The following UGT1A6 variants were observed in gnomAD, a reference collection of about 807,000 sequenced individuals.
UGT1A6 encodes UDP-glucuronosyltransferase 1A6.
Under a neutral mutation model 44.4 loss-of-function variants are expected in UGT1A6, and 32 were observed. That is an observed-to-expected ratio of 0.72 (90% confidence interval 0.54 to 0.97). The LOEUF is 0.97. UGT1A6 is among the 50% of genes least tolerant of loss of function. The pLI is 0.00. For synonymous variants in UGT1A6, 238 were observed against 248.5 expected, an observed-to-expected ratio of 0.96 and a Z score of 0.40; for missense variants, 685 against 661.9, an observed-to-expected ratio of 1.03 and a Z score of -0.38.
chr2:233,723,516 CTTTTTTTTT>C (rs1162916866), intron 1 of UGT1A6, among the ~76,000 whole-genome samples: 2 of 85,406 alleles, frequency 2.3e-5, no homozygotes, highest in East Asian at 3.2e-4. Context: ...GGTCAACAAT[CTTTTTTTTT>C]TTTTTTTTTT....
chr2:233,710,145 T>C (rs1309265551), intron 1 of UGT1A6, among the ~76,000 whole-genome samples: 3 of 152,254 alleles, frequency 2.0e-5, no homozygotes, highest in Non-Finnish European at 4.4e-5. Context: ...TGTATAGATA[T>C]ATCATCATTT....
chr2:233,734,726 T>C (rs1273359481), intron 1 of UGT1A6, among the ~76,000 whole-genome samples: 1 of 150,790 alleles, frequency 6.6e-6, no homozygotes, highest in African/African-American at 2.4e-5. Flanking sequence ...TTTGTTCTCG[T>C]CGGTTTCAAA....
At chr2:233,767,542 T>C (rs1158948915) in intron 2 of UGT1A6, among the ~76,000 whole-genome samples, 1 of 152,274 alleles carries the variant, frequency 6.6e-6, no homozygotes, top group African/African-American at 2.4e-5. Context: ...TTTCTGCTCT[T>C]ATAGTTCTGC....
chr2:233,693,072 T>C lies in UGT1A6; in HGVS notation c.68T>C (p.Met23Thr). Residue 23 changes from methionine (M) to threonine (T), a missense_variant, in exon 1 of 5, where the codon ATG becomes ACG. Met to Thr is a moderately conservative substitution (Grantham distance 81). Coordinates refer to ENST00000305139, the MANE Select transcript of UGT1A6 (RefSeq NM_001072.4). Reference protein sequence around the residue: ...AGVFFLALWGMVVGDKLLVVP... With the variant: ...AGVFFLALWGTVVGDKLLVVP... The stretch of plus-strand genomic sequence containing the variant: ...GTTTTCTTCTTAGCACTTTGGGGCA[T>C]GGTTGTAGGTGACAAGCTGCTGGTG... The C allele has an allele frequency of 1.9e-6, 3 of 1,614,192 alleles. No homozygotes were observed. Among genetic ancestry groups the C allele is most frequent in the Non-Finnish European group, 2.5e-6 (3 of 1,180,034 alleles).
At chr2:233,757,444 G>A (rs1344287126) in intron 1 of UGT1A6, among the ~76,000 whole-genome samples, 1 of 150,698 alleles carries the variant, frequency 6.6e-6, no homozygotes, top group Non-Finnish European at 1.5e-5. Context: ...CTTCTATACA[G>A]AAACATGTCC....
At chr2:233,738,159 T>C (rs1033238809) in intron 1 of UGT1A6, among the ~76,000 whole-genome samples, 2 of 152,228 alleles carry the variant, frequency 1.3e-5, no homozygotes, top group African/African-American at 4.8e-5. Context: ...GCTATTCCTC[T>C]TTCTCTCTTT....
chr2:233,738,569 A>G (rs1031993936), intron 1 of UGT1A6, among the ~76,000 whole-genome samples: 1 of 152,222 alleles, frequency 6.6e-6, no homozygotes, highest in African/African-American at 2.4e-5. Context: ...GAATCTGTTG[A>G]GAACTGGAGC....
At chr2:233,755,084 G>C in intron 1 of UGT1A6, 2 of 1,335,302 alleles carry the variant, frequency 1.5e-6, no homozygotes, top group Non-Finnish European at 2.0e-6. Flanking sequence ...CATAGATATC[G>C]CGTTTCTACG....
intron 1 of UGT1A6, among the ~76,000 whole-genome samples, chr2:233,736,611 AT>A (rs2078784415): frequency 6.6e-6 from 1 of 151,912 alleles, no homozygotes; most frequent in East Asian, 1.9e-4. Context: ...GGTTTTTAGA[AT>A]TTTCAGCTTT....
rs1700557199 is a variant in UGT1A6 at position 233,772,921 on chromosome 2, GT to G, written c.*366del. ...ACGGCTGCCCCTACTGCAAATGGCA[GT>G]TTTAATCTTATCTTTTGGCTTCTGC... On this transcript the variant is annotated 3_prime_UTR_variant, in exon 5 of 5. Coordinates refer to ENST00000305139, the MANE Select transcript of UGT1A6 (RefSeq NM_001072.4). 2.7e-6 allele frequency: 1 copy of G among 366,684 alleles called. No individual in the cohort carries two copies. The highest frequency in any genetic ancestry group is 2.1e-5 in the African/African-American group (1 of 47,608). 22.7% of individuals were successfully genotyped at this position (366,684 alleles called of 1,614,324 possible). A position where few individuals can be genotyped will look rare whatever the true frequency, so the allele number is the denominator to read the frequency against.
At chr2:233,711,506 A>G (rs1260347512) in intron 1 of UGT1A6, among the ~76,000 whole-genome samples, 3 of 152,160 alleles carry the variant, frequency 2.0e-5, no homozygotes, top group African/African-American at 4.8e-5. Flanking sequence ...ATCCCTTTCT[A>G]GCGCTCTGTG....
At position 233,713,306 on chromosome 2, in the gene UGT1A6, T is replaced by C. The variant is rs756011184; in HGVS notation, c.861+19441T>C. The C allele has an allele frequency of 9.9e-6, 16 of 1,614,116 alleles. No homozygotes were observed. In the African/African-American group the frequency reaches 1.7e-4, roughly 17 times the overall value. ...CTCAATCGTTCTTTGAAACAGAACA[T>C]CTTCTGATGAAATTTTCTAGAAGAA... On this transcript the variant is annotated intron_variant, in intron 1 of 4. Transcript: ENST00000305139.
intron 1 of UGT1A6, chr2:233,722,079 A>C (rs1416421217): frequency 4.1e-6 from 1 of 244,000 alleles, no homozygotes; most frequent in African/African-American, 2.3e-5. Context: ...AAGAATTTTC[A>C]CAGATCACCT....
intron 1 of UGT1A6, chr2:233,756,309 C>A (rs1335647268): frequency 7.9e-5 from 12 of 152,226 alleles, no homozygotes; most frequent in Non-Finnish European, 1.6e-4. Context: ...ATAACCTACC[C>A]ATATCCTCCT....
chr2:233,761,076 T>A, intron 1 of UGT1A6: 4 of 1,614,164 alleles, frequency 2.5e-6, no homozygotes, highest in Non-Finnish European at 3.4e-6. Flanking sequence ...TTGTGAAGGA[T>A]TACCCTAGGC....
intron 1 of UGT1A6, among the ~76,000 whole-genome samples, chr2:233,720,989 G>T (rs570345451): frequency 2.6e-5 from 4 of 151,812 alleles, no homozygotes; most frequent in East Asian, 3.9e-4. Flanking sequence ...GGGATTACAG[G>T]CAAGAGCCAC....
At chr2:233,734,318 A>T (rs1468594401) in intron 1 of UGT1A6, among the ~76,000 whole-genome samples, 1 of 152,016 alleles carries the variant, frequency 6.6e-6, no homozygotes, top group African/African-American at 2.4e-5. Context: ...GTGTAGACGT[A>T]TTTATAGTAT....
At chr2:233,766,582 G>A (rs1699191924) in intron 1 of UGT1A6, among the ~76,000 whole-genome samples, 1 of 152,174 alleles carries the variant, frequency 6.6e-6, no homozygotes, top group South Asian at 2.1e-4. Context: ...GTCTGGGGGT[G>A]GAGCCCTCGC....
chr2:233,740,275 T>C (rs1342427185), intron 1 of UGT1A6, among the ~76,000 whole-genome samples: 1 of 151,910 alleles, frequency 6.6e-6, no homozygotes, highest in Non-Finnish European at 1.5e-5. Context: ...ATTGAAGTTA[T>C]ACTGAAAGGG....
Sources: allele counts gnomAD v4.1 joint callset (sites outside exome capture counted in the v4.1 genomes callset), GRCh38; gene constraint gnomAD v4.1.1; transcripts MANE v1.5; gene names NCBI Gene and HGNC (gene_info 2026-07-23, HGNC 2026-07-21).